DGCR8: variants seen among roughly 807,000 people sequenced by gnomAD.
DGCR8 encodes microprocessor complex subunit DGCR8.
DGCR8 carries 14 observed loss-of-function variants against 78.5 expected under a neutral mutation model. The ratio of observed to expected loss-of-function variants is 0.18; its 90% confidence interval spans 0.12 to 0.28. The LOEUF is 0.28. Among genes scored for constraint, DGCR8 ranks in the 10% least tolerant of loss-of-function variants. The probability of loss-of-function intolerance (pLI) is 1.00; values close to 1 mark genes in which losing one functional copy is unlikely to be tolerated. For synonymous variants in DGCR8, 399 were observed against 402.4 expected (o/e 0.99, Z 0.10); for missense variants, 702 against 1,022.5 (o/e 0.69, Z 4.28).
chr22:20,087,411 GC>G lies in DGCR8; in HGVS notation c.880+92del. The G allele has an allele frequency of 6.9e-7, 1 of 1,442,990 alleles. No homozygotes were observed. The highest frequency in any genetic ancestry group is 9.3e-7 in the Non-Finnish European group (1 of 1,070,832). 89.4% of individuals were successfully genotyped at this position (1,442,990 alleles called of 1,614,324 possible). ...AGAAATGCTTTGAGAGAGCTCTGGT[GC>G]CAGGTAGTGGGCTGGGTGGAGGCAT... On this transcript the variant is annotated intron_variant, in intron 3 of 13. Transcript: ENST00000351989. The surrounding 1 kb of genome is among the most constrained non-coding windows in gnomAD (Gnocchi z 4.1).
chr22:20,094,388 A>G (rs556083080), intron 8 of DGCR8, among the ~76,000 whole-genome samples: 25 of 152,318 alleles, frequency 1.6e-4, no homozygotes, highest in African/African-American at 5.5e-4. Flanking sequence ...TGCATGGTCC[A>G]GGGCCCGCAA....
chr22:20,090,720 C>G (rs1263579969), intron 5 of DGCR8, among the ~76,000 whole-genome samples: 1 of 152,192 alleles, frequency 6.6e-6, no homozygotes, highest in African/African-American at 2.4e-5. Flanking sequence ...TGGATGTGTA[C>G]TGGTGTTTCC....
intron 9 of DGCR8, among the ~76,000 whole-genome samples, chr22:20,095,932 T>C (rs1317361580): frequency 6.6e-6 from 1 of 152,144 alleles, no homozygotes; most frequent in East Asian, 1.9e-4. Context: ...CTGTTCACAA[T>C]AGGGTTCACA....
Position 20,085,993 on chromosome 22 carries a change from C to A in DGCR8, c.30C>A (p.Leu10=). The part of the protein sequence containing the change: METDESPSP[L]PCGPAGEAVM... ...AGACAGATGAGAGCCCCTCTCCGCTCCCGTGTGGGCCCGCAGGAGAAGCGG... is the reference window on the plus strand; with the variant it reads ...AGACAGATGAGAGCCCCTCTCCGCTACCGTGTGGGCCCGCAGGAGAAGCGG... The change falls in exon 2 of 14, where the codon CTC becomes CTA. Residue 10 remains leucine, a synonymous_variant. Transcript: ENST00000351989. The surrounding 1 kb of genome is among the most constrained non-coding windows in gnomAD (Gnocchi z 6.2). The A allele has an allele frequency of 6.2e-7, 1 of 1,605,470 alleles. No homozygotes were observed. Among genetic ancestry groups the A allele is most frequent in the Non-Finnish European group, 8.5e-7 (1 of 1,175,042 alleles).
In DGCR8 at chr22:20,107,688, A is replaced by T; in HGVS notation, c.2124+290A>T. 1.1e-5 allele frequency: 5 copies of T among 438,668 alleles called. No individual in the cohort carries two copies. The South Asian group carries it at 1.2e-4, about 11-fold the overall frequency. The allele number at this position is 438,668 out of a possible 1,614,324, so 27.2% of individuals were successfully genotyped here. A position where few individuals can be genotyped will look rare whatever the true frequency, so the allele number is the denominator to read the frequency against. On this transcript the variant is annotated intron_variant, in intron 12 of 13. Coordinates refer to ENST00000351989, the MANE Select transcript of DGCR8 (RefSeq NM_022720.7). ...GCCAAAGTGCAAGGCAGGGCCAGGCAGGAGATGCTGAAGGTGCGCCCGGCT... is the reference window on the plus strand; with the variant it reads ...GCCAAAGTGCAAGGCAGGGCCAGGCTGGAGATGCTGAAGGTGCGCCCGGCT...
intron 9 of DGCR8, among the ~76,000 whole-genome samples, chr22:20,097,768 T>G (rs1466197232): frequency 2.0e-5 from 3 of 151,838 alleles, no homozygotes; most frequent in African/African-American, 7.2e-5. Flanking sequence ...TCTGTCTTTT[T>G]TAAAAAAATT....
At chr22:20,107,710 G>A (rs1056318416) in intron 12 of DGCR8, 18 of 381,374 alleles carry the variant, frequency 4.7e-5, no homozygotes, top group African/African-American at 2.2e-4. Flanking sequence ...AGGTGCGCCC[G>A]GCTCGGAGGT....
At chr22:20,094,620 G>A (rs893751133) in intron 8 of DGCR8, 93 bp from the exon 9 acceptor site, 4 of 1,144,948 alleles carry the variant, frequency 3.5e-6, no homozygotes, top group South Asian at 2.6e-5. Context: ...TCTGAGCTGT[G>A]GGGATGGGAG....
chr22:20,101,439 A>C, intron 9 of DGCR8: 3 of 667,806 alleles, frequency 4.5e-6, no homozygotes, highest in Non-Finnish European at 5.6e-6. Context: ...TTAGCCGGGC[A>C]TGGTGGTGGG....
chr22:20,103,615 T>C (rs1050759648), intron 9 of DGCR8, among the ~76,000 whole-genome samples: 7 of 152,234 alleles, frequency 4.6e-5, no homozygotes, highest in African/African-American at 1.4e-4. Flanking sequence ...AGTTCCCTGC[T>C]GCATCTGTGT....
At chr22:20,081,460 T>C (rs372259656) in intron 1 of DGCR8, among the ~76,000 whole-genome samples, 2 of 152,222 alleles carry the variant, frequency 1.3e-5, no homozygotes, top group Non-Finnish European at 2.9e-5. Flanking sequence ...GCTGGAGCAG[T>C]GGGGAGGCCT....
chr22:20,100,879 G>T (rs755862215), intron 9 of DGCR8: 157 of 966,522 alleles, frequency 1.6e-4, no homozygotes, highest in Non-Finnish European at 1.8e-4. Context: ...GCTCAGTTTC[G>T]TGGGACTGCC....
Position 20,091,612 on chromosome 22 carries a change from A to C in DGCR8, c.1484A>C (p.Gln495Pro). ...CAGAAGCTCATTACTTTATCAGTGC[A>C]AGATGCACCCACAAAGAAAGGTATA... ...ANQKLITLSV[Q>P]DAPTKKEFVI... The change falls in exon 6 of 14, where the codon CAA (glutamine) becomes CCA (proline). Residue 495 changes from glutamine (Q) to proline (P), a missense_variant. Gln to Pro is a moderately conservative substitution (Grantham distance 76, BLOSUM62 -1). This residue lies in a region of DGCR8 where 225 missense variants were observed against 427.7 expected (regional missense o/e 0.53). Coordinates refer to ENST00000351989, the MANE Select transcript of DGCR8 (RefSeq NM_022720.7). 1 of 1,614,204 alleles carries C rather than the reference A, an allele frequency of 6.2e-7. No individual in the cohort carries two copies. Among genetic ancestry groups the C allele is most frequent in the Non-Finnish European group, 8.5e-7 (1 of 1,180,036 alleles).
rs992025654 is a variant in DGCR8 at position 20,101,331 on chromosome 22, C to T, written c.1789-4846C>T. 5 of 962,688 alleles carry T rather than the reference C, an allele frequency of 5.2e-6. No individual in the cohort carries two copies. In the South Asian group the frequency reaches 1.9e-4, roughly 37 times the overall value. 59.6% of individuals were successfully genotyped at this position (962,688 alleles called of 1,614,324 possible). On this transcript the variant is annotated intron_variant, in intron 9 of 13. Coordinates refer to ENST00000351989, the MANE Select transcript of DGCR8 (RefSeq NM_022720.7). ...GTGGCTCACGCCTGTAATCCCAGCA[C>T]TTTGGGAGGCCGAGGCGGGCAGATT...
intron 13 of DGCR8, among the ~76,000 whole-genome samples, 162 bp from the exon 14 acceptor site, chr22:20,109,863 A>G (rs1602499910): frequency 1.3e-5 from 2 of 152,320 alleles, no homozygotes; most frequent in East Asian, 3.9e-4. Flanking sequence ...GGCCTGCCCC[A>G]GGCCTTCCCT....
intron 6 of DGCR8, 59 bp from the exon 7 acceptor site, chr22:20,091,810 G>T: frequency 6.5e-7 from 1 of 1,541,288 alleles, no homozygotes; most frequent in Non-Finnish European, 9.0e-7. Flanking sequence ...GTAACAGGAA[G>T]CTGTGTGCTA....
At chr22:20,100,938 GGA>G in intron 9 of DGCR8, 3 of 638,488 alleles carry the variant, frequency 4.7e-6, no homozygotes, top group Non-Finnish European at 5.8e-6. Flanking sequence ...ACCCGGCACA[GGA>G]CCCCTCCTCG....
chr22:20,100,727 C>T (rs2049688247), intron 9 of DGCR8: 5 of 985,298 alleles, frequency 5.1e-6, no homozygotes, highest in African/African-American at 3.5e-5. Context: ...GAGGTTTCCC[C>T]AGGTGGAGAA....
At position 20,110,909 on chromosome 22, in the gene DGCR8, G is replaced by T. The variant is rs920575272; in HGVS notation, c.*801G>T. On this transcript the variant is annotated 3_prime_UTR_variant, in exon 14 of 14. Coordinates refer to ENST00000351989, the MANE Select transcript of DGCR8 (RefSeq NM_022720.7). ...GCCTCCGGCAACAGTTTTTTACAAA[G>T]ATTTTTTGCAGTCGAGTCCATATGT... 2.4e-5 allele frequency: 8 copies of T among 332,244 alleles called. No individual in the cohort carries two copies. The South Asian group carries it at 6.2e-4, about 26-fold the overall frequency. The allele number at this position is 332,244 out of a possible 1,614,324, so 20.6% of individuals were successfully genotyped here. A position where few individuals can be genotyped will look rare whatever the true frequency, so the allele number is the denominator to read the frequency against.
Sources: gnomAD v4.1 joint callset for allele counts (sites outside exome capture counted in the v4.1 genomes callset) on GRCh38, gnomAD v4.1.1 for gene constraint, gnomAD v4.1.1 regional missense constraint, Gnocchi (gnomAD v3.1) non-coding constraint, MANE v1.5 for transcripts, NCBI Gene and HGNC (gene_info 2026-07-23, HGNC 2026-07-21) for gene names.